Variants in CTNNA3 observed in about 807,000 individuals in gnomAD.
The protein encoded by CTNNA3 is catenin alpha 3.
CTNNA3 carries 76 observed loss-of-function variants against 95.7 expected under a neutral mutation model. The ratio of observed to expected loss-of-function variants is 0.79; its 90% CI spans 0.66 to 0.96. The LOEUF is 0.96. Ranked by LOEUF, CTNNA3 falls within the 40% of genes least tolerant of loss-of-function variation. The pLI is 0.00. For synonymous variants in CTNNA3, 431 were observed against 374.4 expected, an observed-to-expected ratio of 1.15 and a Z score of -1.74; for missense variants, 1,191 against 1,089.8, an observed-to-expected ratio of 1.09 and a Z score of -1.31.
chr10:66,914,542 C>CAAAA (rs34229702), intron 7 of CTNNA3, among the ~76,000 whole-genome samples: 1 of 132,384 alleles, frequency 7.6e-6, no homozygotes, highest in Non-Finnish European at 1.6e-5. Flanking sequence ...AGTATACCAC[C>CAAAA]AAAAAAAAAA....
At chr10:67,726,414 TA>T (rs1841219462) in intron 1 of CTNNA3, among the ~76,000 whole-genome samples, 2 of 59,174 alleles carry the variant, frequency 3.4e-5, no homozygotes, top group East Asian at 5.3e-4. Flanking sequence ...ATATCATATA[TA>T]ATATTATATA....
At chr10:67,160,619 T>A (rs944027405) in intron 7 of CTNNA3, among the ~76,000 whole-genome samples, 1 of 151,956 alleles carries the variant, frequency 6.6e-6, no homozygotes, top group Non-Finnish European at 1.5e-5. Flanking sequence ...ATATTTTTTG[T>A]AGAAACGGGG....
intron 11 of CTNNA3, among the ~76,000 whole-genome samples, chr10:66,445,652 T>A (rs1254601234): frequency 6.6e-6 from 1 of 151,752 alleles, no homozygotes; most frequent in Non-Finnish European, 1.5e-5. Flanking sequence ...CATACCAGAA[T>A]CTCTGGGACA....
intron 14 of CTNNA3, among the ~76,000 whole-genome samples, chr10:66,102,720 G>GGT (rs960859442): frequency 8.6e-5 from 13 of 151,168 alleles, no homozygotes; most frequent in African/African-American, 2.7e-4. Context: ...GTGGTGGTGG[G>GGT]GTGTGTGTGT....
intron 11 of CTNNA3, among the ~76,000 whole-genome samples, chr10:66,386,140 T>C (rs1402515110): frequency 6.6e-6 from 1 of 152,076 alleles, no homozygotes; most frequent in Non-Finnish European, 1.5e-5. Context: ...AGTTAGGAAA[T>C]GAGGAACTCA....
chr10:67,209,384 C>T (rs74233488), intron 6 of CTNNA3, among the ~76,000 whole-genome samples: 9,190 of 152,076 alleles, frequency 0.06, 392 homozygotes, highest in East Asian at 0.19. Context: ...CAAAATACCA[C>T]TAGAAATACA....
At chr10:67,271,251 CAT>C (rs1207089986) in intron 5 of CTNNA3, among the ~76,000 whole-genome samples, 2 of 152,182 alleles carry the variant, frequency 1.3e-5, no homozygotes. Context: ...CAATAATCCT[CAT>C]GTGTCAAGGG....
intron 16 of CTNNA3, among the ~76,000 whole-genome samples, chr10:65,970,337 G>A (rs76649487): frequency 0.026 from 3,962 of 152,006 alleles, 159 homozygotes; most frequent in African/African-American, 0.09. Flanking sequence ...CAAGTACAGA[G>A]CCCACAGATC....
intron 7 of CTNNA3, among the ~76,000 whole-genome samples, chr10:66,792,026 AATTAT>A (rs1840991857): frequency 2.0e-5 from 3 of 152,194 alleles, no homozygotes; most frequent in Admixed American, 2.0e-4. Flanking sequence ...AAGACTCATA[AATTAT>A]AAGTCATGAT....
In CTNNA3 at chr10:65,912,938, A is replaced by G. The variant is rs558483506; in HGVS notation, c.*7392T>C. The G allele has an allele frequency of 1.2e-4, 19 of 152,284 alleles. No individual in the cohort carries two copies. The highest frequency in any genetic ancestry group is 4.6e-4 in the African/African-American group (19 of 41,562). The allele number at this position is 152,284 out of a possible 1,614,324, so 9.4% of individuals were successfully genotyped here. A position where few individuals can be genotyped will look rare whatever the true frequency, so the allele number is the denominator to read the frequency against. On this transcript the variant is annotated 3_prime_UTR_variant, in exon 18 of 18. Transcript: ENST00000433211. The stretch of plus-strand genomic sequence containing the variant: ...AAACTGCTTTGAACTGGTCATTAAT[A>G]TAATGGGCAGTTCATTCAATCATAT...
chr10:67,690,865 T>A (rs1564831217), intron 1 of CTNNA3, among the ~76,000 whole-genome samples: 1 of 151,882 alleles, frequency 6.6e-6, no homozygotes, highest in South Asian at 2.1e-4. Flanking sequence ...AGCCTCTCCC[T>A]CTCCCTCTCC....
intron 7 of CTNNA3, among the ~76,000 whole-genome samples, chr10:66,944,148 T>C (rs1486849093): frequency 6.6e-6 from 1 of 152,234 alleles, no homozygotes; most frequent in Non-Finnish European, 1.5e-5. Context: ...TAGAACTTCT[T>C]TCAAAATTGA....
intron 7 of CTNNA3, among the ~76,000 whole-genome samples, chr10:66,863,229 A>G (rs900422161): frequency 6.6e-6 from 1 of 151,718 alleles, no homozygotes; most frequent in Non-Finnish European, 1.5e-5. Context: ...ATATATATAT[A>G]TAATACAATA....
intron 9 of CTNNA3, among the ~76,000 whole-genome samples, chr10:66,622,889 T>A (rs1844800663): frequency 6.6e-6 from 1 of 152,144 alleles, no homozygotes; most frequent in South Asian, 2.1e-4. Context: ...TAACATTTCT[T>A]TTAATATGCC....
intron 9 of CTNNA3, among the ~76,000 whole-genome samples, chr10:66,689,854 G>A (rs545996304): frequency 6.6e-6 from 1 of 152,284 alleles, no homozygotes; most frequent in African/African-American, 2.4e-5. Flanking sequence ...ACTCAGTGCA[G>A]CTGGGATTTC....
At position 66,693,482 on chromosome 10, in the gene CTNNA3, C is replaced by T. The variant is rs78023428; in HGVS notation, c.1282-71698G>A. 2.7e-5 allele frequency among the ~76,000 whole-genome samples: 4 copies of T among 149,332 alleles called. 1 individual carries two copies. Among genetic ancestry groups the T allele is most frequent in the African/African-American group, 7.5e-5 (3 of 40,054 alleles). ...AAAGCAAGTCCTGAGTGACCTACAA[C>T]GAGACTTAGACTCCCACACAATAAT... is the stretch of plus-strand genomic sequence containing the variant. On this transcript the variant is annotated intron_variant, in intron 9 of 17. Coordinates refer to ENST00000433211, the MANE Select transcript of CTNNA3 (RefSeq NM_013266.4).
chr10:66,759,666 T>C (rs1251350791), intron 9 of CTNNA3, among the ~76,000 whole-genome samples: 1 of 152,222 alleles, frequency 6.6e-6, no homozygotes. Flanking sequence ...GCTCATTATC[T>C]ACCTAGAACT....
In CTNNA3 at chr10:66,331,152, C is replaced by T. The variant is rs544253693; in HGVS notation, c.1732+48000G>A. Among the ~76,000 whole-genome samples, 223 of 151,928 alleles carry T rather than the reference C, an allele frequency of 1.5e-3. 2 individuals are homozygous for T. The highest frequency in any genetic ancestry group is 6.8e-3 in the Middle Eastern group (2 of 292). On this transcript the variant is annotated intron_variant, in intron 12 of 17. Transcript: ENST00000433211. ...ATGAAGTCCTTGCCCATACCTATGT[C>T]CTGAATGGTATTGCCTAGGTTTTCT...
intron 10 of CTNNA3, among the ~76,000 whole-genome samples, chr10:66,538,643 A>G (rs1841740101): frequency 6.6e-6 from 1 of 152,196 alleles, no homozygotes. Flanking sequence ...TTAAATAATT[A>G]TCAAAAGGTC....
Sources: gnomAD v4.1 joint callset for allele counts (sites outside exome capture counted in the v4.1 genomes callset) on GRCh38, gnomAD v4.1.1 for gene constraint, MANE v1.5 for transcripts, NCBI Gene and HGNC (gene_info 2026-07-23, HGNC 2026-07-21) for gene names.